Variants in DLG2 observed in about 807,000 individuals in gnomAD.
DLG2 encodes the protein disks large homolog 2.
Under a neutral mutation model 132.5 loss-of-function variants are expected in DLG2, and 45 were observed. That is an observed-to-expected ratio of 0.34 (90% CI 0.27 to 0.44). DLG2 has a LOEUF of 0.44. Ranked by LOEUF, DLG2 falls within the 20% of genes least tolerant of loss-of-function variation. DLG2 has a pLI of 1.00. For synonymous variants in DLG2, 424 were observed against 419.6 expected, an observed-to-expected ratio of 1.01 and a Z score of -0.13; for missense variants, 1,045 against 1,196.9, an observed-to-expected ratio of 0.87 and a Z score of 1.87.
intron 3 of DLG2, among the ~76,000 whole-genome samples, chr11:85,559,097 A>G (rs917740070): frequency 6.6e-6 from 1 of 151,624 alleles, no homozygotes; most frequent in Non-Finnish European, 1.5e-5. Context: ...AATGGAATAT[A>G]GGGTTCCAAA....
intron 17 of DLG2, among the ~76,000 whole-genome samples, chr11:83,823,728 G>A (rs967006410): frequency 1.3e-5 from 2 of 152,160 alleles, no homozygotes; most frequent in African/African-American, 4.8e-5. Context: ...CAACAAGGGA[G>A]CAGAGATGAA....
chr11:84,173,047 AATT>A (rs1433250034), intron 8 of DLG2, among the ~76,000 whole-genome samples: 1 of 152,198 alleles, frequency 6.6e-6, no homozygotes, highest in Non-Finnish European at 1.5e-5. Flanking sequence ...CATCAGAAGA[AATT>A]AAGAAAAATA....
In DLG2 at chr11:84,662,402, C is replaced by T. The variant is rs544865781; in HGVS notation, c.358-127671G>A. Among the ~76,000 whole-genome samples, 10 of 151,968 alleles carry T rather than the reference C, an allele frequency of 6.6e-5. No individual in the cohort carries two copies. The South Asian group carries it at 1.0e-3, about 16-fold the overall frequency. The stretch of plus-strand genomic sequence containing the variant: ...GTTGGTCAGGCTGGTCTCGAACTCC[C>T]GACCTCAGGTGATCGGCCCACCTCA... On this transcript the variant is annotated intron_variant, in intron 6 of 27. Coordinates refer to ENST00000376104, the MANE Select transcript of DLG2 (RefSeq NM_001142699.3).
intron 6 of DLG2, among the ~76,000 whole-genome samples, chr11:84,893,041 T>G (rs778076750): frequency 5.9e-5 from 9 of 152,054 alleles, no homozygotes; most frequent in Non-Finnish European, 1.3e-4. Flanking sequence ...AGAAACCGAG[T>G]AGACATTAAA....
intron 18 of DLG2, among the ~76,000 whole-genome samples, chr11:83,661,757 G>A (rs1418649785): frequency 6.6e-6 from 1 of 152,064 alleles, no homozygotes; most frequent in Non-Finnish European, 1.5e-5. Flanking sequence ...CTCCCTCAAT[G>A]CTGGATTCAA....
intron 3 of DLG2, among the ~76,000 whole-genome samples, chr11:85,393,965 C>A (rs920311350): frequency 6.6e-5 from 10 of 152,016 alleles, no homozygotes; most frequent in African/African-American, 2.2e-4. Context: ...GTGTACACTG[C>A]TCAGGGGATG....
At chr11:85,398,788 C>T (rs1175978280) in intron 3 of DLG2, among the ~76,000 whole-genome samples, 1 of 152,056 alleles carries the variant, frequency 6.6e-6, no homozygotes, top group African/African-American at 2.4e-5. Flanking sequence ...TAATTAATAG[C>T]CTACTCACCA....
chr11:85,431,922 G>C (rs570132875), intron 3 of DLG2, among the ~76,000 whole-genome samples: 1 of 152,202 alleles, frequency 6.6e-6, no homozygotes, highest in Admixed American at 6.5e-5. Context: ...ACTGGCATCA[G>C]GTCGGTGCCC....
intron 7 of DLG2, among the ~76,000 whole-genome samples, chr11:84,342,459 G>A (rs373128240): frequency 1.3e-5 from 2 of 152,098 alleles, no homozygotes; most frequent in African/African-American, 2.4e-5. Context: ...TTAATAATTT[G>A]TGAATCAGAG....
At chr11:85,054,767 A>C (rs1054426118) in intron 6 of DLG2, among the ~76,000 whole-genome samples, 1 of 152,194 alleles carries the variant, frequency 6.6e-6, no homozygotes, top group Non-Finnish European at 1.5e-5. Context: ...CAGGAACAGA[A>C]AAACAAATAC....
At chr11:83,977,871 T>C (rs1374355332) in intron 12 of DLG2, among the ~76,000 whole-genome samples, 1 of 152,134 alleles carries the variant, frequency 6.6e-6, no homozygotes, top group Non-Finnish European at 1.5e-5. Flanking sequence ...CTCTTTCACC[T>C]AGTGCACTAT....
At chr11:84,959,828 T>G (rs183215706) in intron 6 of DLG2, among the ~76,000 whole-genome samples, 216 of 152,246 alleles carry the variant, frequency 1.4e-3, no homozygotes, top group African/African-American at 5.1e-3. Context: ...GAGTTGGATG[T>G]TCTCTTGGGC....
intron 8 of DLG2, among the ~76,000 whole-genome samples, chr11:84,223,018 T>C (rs553070022): frequency 6.6e-6 from 1 of 152,314 alleles, no homozygotes; most frequent in South Asian, 2.1e-4. Context: ...CTTCCTCCAG[T>C]GTGGTGAGTA....
At chr11:85,145,444 A>G (rs2076777091) in intron 5 of DLG2, among the ~76,000 whole-genome samples, 1 of 151,982 alleles carries the variant, frequency 6.6e-6, no homozygotes, top group African/African-American at 2.4e-5. Context: ...TTCCTCCTTA[A>G]GGTCAATACA....
chr11:83,792,492 A>G (rs534728802), intron 17 of DLG2, among the ~76,000 whole-genome samples: 3 of 152,150 alleles, frequency 2.0e-5, no homozygotes, highest in Non-Finnish European at 4.4e-5. Context: ...TATTCTCTAC[A>G]AAGGTAATCA....
chr11:84,591,526 T>C lies in DLG2; in HGVS notation c.358-56795A>G, dbSNP rs565626223. ...TACTAAAAATACAAAAATTTGCTGA[T>C]GGCAAATGCCTGTAATCTCAGCTAC... On this transcript the variant is annotated intron_variant, in intron 6 of 27. Transcript: ENST00000376104. Among the ~76,000 whole-genome samples, 49 of 151,950 alleles carry C rather than the reference T, an allele frequency of 3.2e-4. 1 individual carries two copies. Among genetic ancestry groups the C allele is most frequent in the African/African-American group, 9.9e-4 (41 of 41,468 alleles).
chr11:84,660,326 T>C (rs1160297284), intron 6 of DLG2, among the ~76,000 whole-genome samples: 1 of 152,164 alleles, frequency 6.6e-6, no homozygotes, highest in Admixed American at 6.6e-5. Flanking sequence ...GCATTCCTCT[T>C]AACTCCCAGG....
chr11:84,910,733 C>A (rs1180169258), intron 6 of DLG2, among the ~76,000 whole-genome samples: 1 of 151,288 alleles, frequency 6.6e-6, no homozygotes, highest in Non-Finnish European at 1.5e-5. Flanking sequence ...GGCAATATAG[C>A]GAGATTCCCT....
intron 24 of DLG2, 21 bp downstream of exon 24, chr11:83,471,605 G>A: frequency 6.4e-7 from 1 of 1,574,396 alleles, no homozygotes; most frequent in Non-Finnish European, 8.7e-7. Context: ...TTTTCCTAGA[G>A]GAAAGAAAAA....
Sources: gnomAD v4.1 joint callset for allele counts (sites outside exome capture counted in the v4.1 genomes callset) on GRCh38, gnomAD v4.1.1 for gene constraint, MANE v1.5 for transcripts, NCBI Gene and HGNC (gene_info 2026-07-23, HGNC 2026-07-21) for gene names.